The following MPPED1 variants were observed in gnomAD, a reference collection of about 807,000 sequenced individuals.
MPPED1 encodes the protein metallophosphoesterase domain-containing protein 1.
A neutral mutation model predicts 36.2 loss-of-function variants in MPPED1; 16 were observed. The observed-to-expected ratio is 0.44, with a 90% CI of 0.30 to 0.67. MPPED1 has a LOEUF of 0.67. Ranked by LOEUF, MPPED1 falls within the 30% of genes least tolerant of loss-of-function variation. The probability of loss-of-function intolerance (pLI) is 0.10; values close to 1 mark genes in which losing one functional copy is unlikely to be tolerated. For missense variants in MPPED1, 307 were observed against 453.4 expected, an observed-to-expected ratio of 0.68 and a Z score of 2.93; for synonymous variants, 199 against 191.3, an observed-to-expected ratio of 1.04 and a Z score of -0.33.
chr22:43,501,484 C>T (rs921948965), intron 5 of MPPED1, among the ~76,000 whole-genome samples: 5 of 152,172 alleles, frequency 3.3e-5, no homozygotes, highest in East Asian at 3.9e-4. Flanking sequence ...CTTCACACAC[C>T]GCCCGGCTCC....
chr22:43,431,585 A>C (rs1569066680), intron 2 of MPPED1, among the ~76,000 whole-genome samples: 1 of 152,148 alleles, frequency 6.6e-6, no homozygotes. Context: ...ACCAGCTTCA[A>C]ATTTCAGCTG....
intron 1 of MPPED1, among the ~76,000 whole-genome samples, chr22:43,414,491 C>T (rs186243168): frequency 6.6e-4 from 101 of 152,312 alleles, no homozygotes; most frequent in Admixed American, 5.7e-3. Flanking sequence ...AAAATGACTT[C>T]ATTTTCCCAA....
intron 3 of MPPED1, among the ~76,000 whole-genome samples, chr22:43,466,007 T>G (rs1440926470): frequency 6.6e-6 from 1 of 152,216 alleles, no homozygotes; most frequent in Non-Finnish European, 1.5e-5. Flanking sequence ...CCTTGATTTT[T>G]GGGGGAAAAC....
At chr22:43,422,917 A>G (rs573390701) in intron 1 of MPPED1, among the ~76,000 whole-genome samples, 100 of 152,060 alleles carry the variant, frequency 6.6e-4, no homozygotes, top group African/African-American at 2.2e-3. Flanking sequence ...GCTCACTGCA[A>G]CCTCTGCCTT....
chr22:43,442,477 A>T (rs1429573936), intron 3 of MPPED1, among the ~76,000 whole-genome samples: 1 of 151,946 alleles, frequency 6.6e-6, no homozygotes, highest in African/African-American at 2.4e-5. Flanking sequence ...ATAGATCAGG[A>T]CCTAAAGCTA....
At position 43,506,216 on chromosome 22, in the gene MPPED1, C is replaced by T. The variant is rs1400086753; in HGVS notation, c.*600C>T. Reference sequence around the variant, plus strand: ...CTGGCATTGTTCCCCCCTTTTTCTTCCCATAGGCATTTTTGTTTACTTGAA... The same window carrying T: ...CTGGCATTGTTCCCCCCTTTTTCTTTCCATAGGCATTTTTGTTTACTTGAA... On this transcript the variant is annotated 3_prime_UTR_variant, in exon 7 of 7. Coordinates refer to ENST00000443721, the MANE Select transcript of MPPED1 (RefSeq NM_001044370.2). 2 of 152,706 alleles carry T rather than the reference C, an allele frequency of 1.3e-5. No homozygotes were observed. The highest frequency in any genetic ancestry group is 2.4e-5 in the African/African-American group (1 of 41,462). The allele number at this position is 152,706 out of a possible 1,614,324, so 9.5% of individuals were successfully genotyped here. A position where few individuals can be genotyped will look rare whatever the true frequency, so the allele number is the denominator to read the frequency against.
intron 2 of MPPED1, among the ~76,000 whole-genome samples, chr22:43,429,559 CT>C (rs1284884952): frequency 1.3e-5 from 2 of 152,268 alleles, no homozygotes; most frequent in African/African-American, 4.8e-5. Flanking sequence ...TCAGGGAAGT[CT>C]TTCCCGCTCC....
At chr22:43,415,046 T>C (rs1198775510) in intron 1 of MPPED1, among the ~76,000 whole-genome samples, 2 of 151,908 alleles carry the variant, frequency 1.3e-5, no homozygotes, top group East Asian at 3.9e-4. Context: ...ATGAAGGCAC[T>C]GTTTCCCACA....
intron 6 of MPPED1, 106 bp from the exon 7 acceptor site, chr22:43,505,392 A>G: frequency 3.1e-6 from 3 of 957,224 alleles, no homozygotes; most frequent in Admixed American, 4.6e-5. Context: ...AGCTTGCCCC[A>G]AACACATTCA....
At chr22:43,493,926 C>T (rs894648176) in intron 4 of MPPED1, among the ~76,000 whole-genome samples, 8 of 152,102 alleles carry the variant, frequency 5.3e-5, no homozygotes, top group South Asian at 2.1e-4. Context: ...GCGAAAACAA[C>T]GGAAATTCAC....
intron 5 of MPPED1, among the ~76,000 whole-genome samples, chr22:43,501,493 C>T (rs554068499): frequency 2.2e-4 from 33 of 152,320 alleles, no homozygotes; most frequent in African/African-American, 6.3e-4. Flanking sequence ...CCGCCCGGCT[C>T]CTGTCTCGGG....
chr22:43,486,965 C>T (rs1384934858), intron 4 of MPPED1, among the ~76,000 whole-genome samples: 3 of 152,146 alleles, frequency 2.0e-5, no homozygotes, highest in Admixed American at 2.0e-4. Flanking sequence ...GGTCTTGGGG[C>T]TTCCTGACTG....
At chr22:43,415,913 T>G (rs1007690028) in intron 1 of MPPED1, among the ~76,000 whole-genome samples, 7 of 152,240 alleles carry the variant, frequency 4.6e-5, no homozygotes, top group Non-Finnish European at 8.8e-5. Context: ...CAGGCTAATT[T>G]CATCACTTCA....
intron 3 of MPPED1, among the ~76,000 whole-genome samples, chr22:43,438,307 C>G (rs1304808060): frequency 1.3e-5 from 2 of 152,156 alleles, no homozygotes; most frequent in African/African-American, 4.8e-5. Context: ...GAGAATGAGG[C>G]AGCCTTGTGC....
intron 3 of MPPED1, among the ~76,000 whole-genome samples, chr22:43,464,347 G>A (rs1931088115): frequency 6.6e-6 from 1 of 151,344 alleles, no homozygotes; most frequent in Non-Finnish European, 1.5e-5. Context: ...TGGGCATAGG[G>A]GGATGTGATC....
chr22:43,479,798 G>A (rs1931693918), intron 4 of MPPED1, among the ~76,000 whole-genome samples: 1 of 152,216 alleles, frequency 6.6e-6, no homozygotes, highest in African/African-American at 2.4e-5. Flanking sequence ...CAAACATATG[G>A]TTATAGCAAC....
chr22:43,427,867 C>T (rs1483984714), intron 2 of MPPED1, among the ~76,000 whole-genome samples: 5 of 152,120 alleles, frequency 3.3e-5, no homozygotes, highest in African/African-American at 7.2e-5. Flanking sequence ...CCTCACCCCC[C>T]GTGACACTAG....
chr22:43,435,248 G>A (rs1296360932), intron 3 of MPPED1, 33 bp downstream of exon 3: 3 of 1,578,392 alleles, frequency 1.9e-6, no homozygotes, highest in African/African-American at 2.7e-5. Context: ...GGGCGGCTGT[G>A]CTGAGCAGGA....
At chr22:43,442,501 C>T (rs955571412) in intron 3 of MPPED1, among the ~76,000 whole-genome samples, 9 of 152,210 alleles carry the variant, frequency 5.9e-5, no homozygotes, top group East Asian at 1.9e-4. Context: ...CCTGGGCACC[C>T]GCCCCTGTGC....
Sources: gnomAD v4.1 joint callset for allele counts (sites outside exome capture counted in the v4.1 genomes callset) on GRCh38, gnomAD v4.1.1 for gene constraint, MANE v1.5 for transcripts, NCBI Gene and HGNC (gene_info 2026-07-23, HGNC 2026-07-21) for gene names.